CNTNAP2: variants seen among roughly 807,000 people sequenced by gnomAD.
CNTNAP2 encodes the protein contactin-associated protein-like 2.
CNTNAP2 carries 98 observed loss-of-function variants against 155.2 expected under a neutral mutation model. That is an observed-to-expected ratio of 0.63 (90% confidence interval 0.54 to 0.75). CNTNAP2 has a LOEUF of 0.75. CNTNAP2 is among the 30% of genes least tolerant of loss of function. The probability of loss-of-function intolerance (pLI) is 0.00; values close to 1 mark genes in which losing one functional copy is unlikely to be tolerated. For synonymous variants in CNTNAP2, 651 were observed against 631.2 expected (o/e 1.03, Z -0.47); for missense variants, 1,727 against 1,688.1 (o/e 1.02, Z -0.40).
chr7:147,181,626 A>G (rs1802456741), intron 8 of CNTNAP2, among the ~76,000 whole-genome samples: 1 of 152,216 alleles, frequency 6.6e-6, no homozygotes, highest in Non-Finnish European at 1.5e-5. Flanking sequence ...AAGTACAAGA[A>G]GTTTGATGGA....
chr7:146,201,636 ACGAGTG>A (rs1483602727), intron 1 of CNTNAP2, among the ~76,000 whole-genome samples: 5 of 105,986 alleles, frequency 4.7e-5, no homozygotes, highest in African/African-American at 1.8e-4. Context: ...TAAATGTCCC[ACGAGTG>A]TGTGTGTGTG....
At chr7:146,444,862 G>T (rs1796379251) in intron 1 of CNTNAP2, among the ~76,000 whole-genome samples, 2 of 151,266 alleles carry the variant, frequency 1.3e-5, no homozygotes, top group South Asian at 4.2e-4. Flanking sequence ...TCACCATGTT[G>T]GCCAGGCTGG....
chr7:146,658,178 G>A (rs577675792), intron 1 of CNTNAP2, among the ~76,000 whole-genome samples: 42 of 152,128 alleles, frequency 2.8e-4, no homozygotes, highest in Non-Finnish European at 5.0e-4. Flanking sequence ...TTTGCATAGC[G>A]TCCTCTGCAT....
chr7:147,545,588 G>A (rs1260317804), intron 11 of CNTNAP2, among the ~76,000 whole-genome samples: 2 of 152,162 alleles, frequency 1.3e-5, no homozygotes, highest in African/African-American at 2.4e-5. Context: ...GGTAATTCAT[G>A]CAGCTGTAGT....
chr7:148,110,398 G>A (rs1196054042), intron 15 of CNTNAP2, among the ~76,000 whole-genome samples: 1 of 152,006 alleles, frequency 6.6e-6, no homozygotes, highest in Non-Finnish European at 1.5e-5. Flanking sequence ...TGACAGCCCA[G>A]AGCAGCCCAG....
In CNTNAP2 at chr7:147,249,995, G is replaced by A. The variant is rs546037745; in HGVS notation, c.1349-50146G>A. On this transcript the variant is annotated intron_variant, in intron 8 of 23. Coordinates refer to ENST00000361727, the MANE Select transcript of CNTNAP2 (RefSeq NM_014141.6). ...CTCACAGAGATGTAACTGACTATTT[G>A]ATTGAAACTGACTTTTTTCCCCATT... is the stretch of plus-strand genomic sequence containing the variant. Among the ~76,000 whole-genome samples the A allele has an allele frequency of 5.3e-5, 8 of 152,234 alleles. No homozygotes were observed. The South Asian group carries it at 1.7e-3, about 32-fold the overall frequency.
Position 146,142,930 on chromosome 7 carries a change from T to C in CNTNAP2, c.97+25957T>C, listed in dbSNP as rs1797901121. 2.6e-5 allele frequency among the ~76,000 whole-genome samples: 4 copies of C among 152,238 alleles called. 1 individual carries two copies. In the South Asian group the frequency reaches 8.3e-4, roughly 32 times the overall value. On this transcript the variant is annotated intron_variant, in intron 1 of 23. Transcript: ENST00000361727. ...AAGAAGTCCAATGTCTAGAAAGGCA[T>C]CCAGTAGTTAGTATGACTGAAGTAC...
intron 11 of CNTNAP2, among the ~76,000 whole-genome samples, chr7:147,547,574 A>G (rs1375239041): frequency 6.6e-6 from 1 of 151,960 alleles, no homozygotes; most frequent in African/African-American, 2.4e-5. Flanking sequence ...CACTGGCATG[A>G]GGAGCTTTGT....
At chr7:147,071,753 A>G (rs2129265665) in intron 4 of CNTNAP2, among the ~76,000 whole-genome samples, 1 of 152,342 alleles carries the variant, frequency 6.6e-6, no homozygotes, top group Non-Finnish European at 1.5e-5. Flanking sequence ...AAGTTAATGA[A>G]TGACCAAAAA....
At chr7:147,629,914 C>T (rs1251566795) in intron 12 of CNTNAP2, among the ~76,000 whole-genome samples, 6 of 150,846 alleles carry the variant, frequency 4.0e-5, no homozygotes, top group African/African-American at 1.5e-4. Flanking sequence ...ATACCTCAAG[C>T]AAATAGAAAA....
intron 3 of CNTNAP2, among the ~76,000 whole-genome samples, chr7:146,939,820 G>T (rs1326549881): frequency 6.6e-6 from 1 of 152,154 alleles, no homozygotes; most frequent in East Asian, 1.9e-4. Flanking sequence ...AAATGCAAGG[G>T]AAACCAAAAT....
chr7:146,774,435 A>G (rs748265332), intron 2 of CNTNAP2, 54 bp downstream of exon 2: 28 of 1,186,526 alleles, frequency 2.4e-5, no homozygotes, highest in Admixed American at 3.6e-5. Flanking sequence ...AGAACATGTT[A>G]TATTTATAGC....
chr7:147,678,252 T>C (rs1795897311), intron 13 of CNTNAP2, among the ~76,000 whole-genome samples: 1 of 151,816 alleles, frequency 6.6e-6, no homozygotes. Context: ...TTTTTCCCAA[T>C]ACCAGGGCCA....
At chr7:147,738,139 C>T (rs538007323) in intron 13 of CNTNAP2, among the ~76,000 whole-genome samples, 1 of 152,230 alleles carries the variant, frequency 6.6e-6, no homozygotes, top group African/African-American at 2.4e-5. Flanking sequence ...TGGAGCTGTT[C>T]CTATTCAGCC....
chr7:147,228,324 TATG>T (rs1446976070), intron 8 of CNTNAP2, among the ~76,000 whole-genome samples: 1 of 152,186 alleles, frequency 6.6e-6, no homozygotes, highest in Non-Finnish European at 1.5e-5. Flanking sequence ...AACGTGTTTG[TATG>T]ATAATGGAAA....
chr7:147,767,266 A>T (rs938477206), intron 13 of CNTNAP2, among the ~76,000 whole-genome samples: 1 of 152,104 alleles, frequency 6.6e-6, no homozygotes, highest in Non-Finnish European at 1.5e-5. Flanking sequence ...AAACAAAACA[A>T]AACAAAACAA....
At chr7:148,257,697 C>A (rs952900975) in intron 20 of CNTNAP2, among the ~76,000 whole-genome samples, 1 of 152,194 alleles carries the variant, frequency 6.6e-6, no homozygotes. Flanking sequence ...ACTCTCAGAG[C>A]AGAGCAGGGG....
intron 21 of CNTNAP2, among the ~76,000 whole-genome samples, chr7:148,309,494 C>T (rs563760564): frequency 1.3e-5 from 2 of 152,092 alleles, no homozygotes; most frequent in Admixed American, 6.5e-5. Context: ...TGGGTGCAGG[C>T]GGGCTGAGTC....
chr7:147,636,786 G>T (rs150929620), intron 12 of CNTNAP2, among the ~76,000 whole-genome samples: 23 of 152,230 alleles, frequency 1.5e-4, no homozygotes, highest in Admixed American at 4.6e-4. Flanking sequence ...CTTTTAATGT[G>T]GGGGGACAGA....
Sources: gnomAD v4.1 joint callset for allele counts (sites outside exome capture counted in the v4.1 genomes callset) on GRCh38, gnomAD v4.1.1 for gene constraint, MANE v1.5 for transcripts, NCBI Gene and HGNC (gene_info 2026-07-23, HGNC 2026-07-21) for gene names.